Variants in LMF1 observed in about 807,000 individuals in gnomAD.
LMF1 encodes lipase maturation factor 1, also known as transmembrane protein 112.
In LMF1, 68 loss-of-function variants were observed where a neutral mutation model predicts 60.6. The observed-to-expected ratio is 1.12, with a 90% CI of 0.92 to 1.37. The LOEUF (loss-of-function observed/expected upper bound fraction) is 1.37, where lower values mean the gene tolerates loss of function less well. Ranked by LOEUF, LMF1 falls within the 40% of genes most tolerant of loss-of-function variation. The pLI is 0.00. For synonymous variants in LMF1, 418 were observed against 324.7 expected (o/e 1.29, Z -3.09); for missense variants, 948 against 767.2 (o/e 1.24, Z -2.78).
chr16:859,860 GC>G (rs201497959), intron 10 of LMF1, among the ~76,000 whole-genome samples: 6 of 87,496 alleles, frequency 6.9e-5, no homozygotes, highest in African/African-American at 1.6e-4. Context: ...GGATGGGTGT[GC>G]AGTGGTGTCT....
chr16:930,191 C>T (rs1403834930), intron 3 of LMF1, among the ~76,000 whole-genome samples: 2 of 141,150 alleles, frequency 1.4e-5, no homozygotes, highest in African/African-American at 5.1e-5. Flanking sequence ...CAGCAGCGGT[C>T]GTGTTCGTCT....
In LMF1 at chr16:947,958, A is replaced by G. The variant is rs2072285606; in HGVS notation, c.503+6399T>C. 9.9e-5 allele frequency among the ~76,000 whole-genome samples: 15 copies of G among 151,816 alleles called. No individual in the cohort carries two copies. The South Asian group carries it at 2.7e-3, about 28-fold the overall frequency. ...CAGAGTCAGCCAATGACAGAGTCAG[A>G]GCCAACGACAGAGTCAGCCAATGAC... On this transcript the variant is annotated intron_variant, in intron 2 of 10. Transcript: ENST00000262301.
intron 1 of LMF1, chr16:981,051 G>A: frequency 4.3e-6 from 1 of 232,122 alleles, no homozygotes. Context: ...CCCCGGGACC[G>A]CGCCCCCGCC....
chr16:874,456 G>A lies in LMF1; in HGVS notation c.898-3115C>T, dbSNP rs897910365. 3.3e-5 allele frequency among the ~76,000 whole-genome samples: 5 copies of A among 152,310 alleles called. 1 individual carries two copies. Among genetic ancestry groups the A allele is most frequent in the Admixed American group, 1.3e-4 (2 of 15,306 alleles). ...TCCCGCCCTGGCAGTCCGGGGCTGCGTCTCCCTGTCACCAGTGCCCTAGTG... is the reference window on the plus strand; with the variant it reads ...TCCCGCCCTGGCAGTCCGGGGCTGCATCTCCCTGTCACCAGTGCCCTAGTG... On this transcript the variant is annotated intron_variant, in intron 6 of 10. Coordinates refer to ENST00000262301, the MANE Select transcript of LMF1 (RefSeq NM_022773.4). This position sits in a 1 kb window ranked among gnomAD's most constrained non-coding sequence, Gnocchi z 4.1.
chr16:938,684 G>C (rs551086756), intron 2 of LMF1, among the ~76,000 whole-genome samples: 1 of 152,212 alleles, frequency 6.6e-6, no homozygotes, highest in African/African-American at 2.4e-5. Context: ...GCCAGGCAGC[G>C]CAGGGAGCAC....
upstream of LMF1, among the ~76,000 whole-genome samples, chr16:973,447 G>A (rs181428864): frequency 6.6e-6 from 1 of 152,334 alleles, no homozygotes; most frequent in East Asian, 1.9e-4. Flanking sequence ...CAGACGCGGA[G>A]GTCATGAGTT....
chr16:952,414 C>G (rs1360742738), intron 2 of LMF1, among the ~76,000 whole-genome samples: 1 of 152,100 alleles, frequency 6.6e-6, no homozygotes, highest in Non-Finnish European at 1.5e-5. Flanking sequence ...GAGCCTCCGA[C>G]CAGGGAACAC....
chr16:967,095 C>T (rs1328126339), intron 1 of LMF1, among the ~76,000 whole-genome samples: 1 of 152,242 alleles, frequency 6.6e-6, no homozygotes, highest in East Asian at 1.9e-4. Context: ...TCCAGCTCTA[C>T]CACTGGCGCT....
chr16:896,408 C>A (rs146201515), intron 4 of LMF1, among the ~76,000 whole-genome samples: 1 of 152,324 alleles, frequency 6.6e-6, no homozygotes, highest in South Asian at 2.1e-4. Context: ...ACAGGGAGGG[C>A]GCCGAACACC....
In LMF1 at chr16:970,916, T is replaced by A. The variant is rs775084151; in HGVS notation, c.65A>T (p.Tyr22Phe). 20 of 1,578,096 alleles carry A rather than the reference T, an allele frequency of 1.3e-5. No homozygotes were observed. In the South Asian group the frequency reaches 2.3e-4, roughly 18 times the overall value. Reference protein sequence around the residue: ...AESLRRRKTGYSDPEPESPPA... With the variant: ...AESLRRRKTGFSDPEPESPPA... ...CGGCGACTCAGGCTCCGGATCCGAG[T>A]ACCCAGTCTTCCGCCTCCTCAGCGA... The change falls in exon 1 of 11, where the codon TAC becomes TTC. Residue 22 changes from tyrosine (Y) to phenylalanine (F), a missense_variant. By Grantham distance (22) the Tyr-to-Phe change is conservative (BLOSUM62 3). Transcript: ENST00000262301.
rs978241603 is a variant in LMF1, at chr16:962,836, A to T, written c.193+7952T>A. 6.6e-6 allele frequency among the ~76,000 whole-genome samples: 1 copy of T among 152,192 alleles called. No individual in the cohort carries two copies. Among genetic ancestry groups the T allele is most frequent in the Non-Finnish European group, 1.5e-5 (1 of 68,024 alleles). On this transcript the variant is annotated intron_variant, in intron 1 of 10. Coordinates refer to ENST00000262301, the MANE Select transcript of LMF1 (RefSeq NM_022773.4). The surrounding 1 kb of genome is among the most constrained non-coding windows in gnomAD (Gnocchi z 4.5). ...GTTTTATTTTTAATAAAAAAATTTTAAAAAGTAAAGGTTTCTCGAAGACTC... is the reference window on the plus strand; with the variant it reads ...GTTTTATTTTTAATAAAAAAATTTTTAAAAGTAAAGGTTTCTCGAAGACTC...
Position 885,620 on chromosome 16 carries a change from C to T in LMF1, c.730-5883G>A, listed in dbSNP as rs566517402. Among the ~76,000 whole-genome samples, 4 of 152,322 alleles carry T rather than the reference C, an allele frequency of 2.6e-5. No homozygotes were observed. In the South Asian group the frequency reaches 8.3e-4, roughly 32 times the overall value. ...ACACCAGACAAAGCACAATTCAGAG[C>T]AGAGAATATGATCAGCAGTCAGGAG... On this transcript the variant is annotated intron_variant, in intron 5 of 10. Transcript: ENST00000262301.
intron 2 of LMF1, among the ~76,000 whole-genome samples, chr16:952,857 A>C (rs1597064587): frequency 7.5e-6 from 1 of 133,294 alleles, no homozygotes; most frequent in Admixed American, 7.5e-5. Flanking sequence ...ACAGACACCC[A>C]CCCCAAACCA....
At chr16:958,652 C>G (rs1004720331) in intron 1 of LMF1, among the ~76,000 whole-genome samples, 2 of 152,084 alleles carry the variant, frequency 1.3e-5, no homozygotes, top group African/African-American at 4.8e-5. Flanking sequence ...TTTGGGAGGC[C>G]GAGGTGGGCA....
intron 2 of LMF1, among the ~76,000 whole-genome samples, chr16:942,568 A>C (rs1397821696): frequency 6.8e-6 from 1 of 147,378 alleles, no homozygotes; most frequent in African/African-American, 2.6e-5. Flanking sequence ...TGGGGCTCCA[A>C]TCACACATAT....
intron 3 of LMF1, among the ~76,000 whole-genome samples, chr16:932,503 G>C (rs12446849): frequency 6.6e-6 from 1 of 152,180 alleles, no homozygotes; most frequent in Non-Finnish European, 1.5e-5. Context: ...GACTTCTCCC[G>C]CTAGACACAG....
chr16:980,234 T>C (rs1050963315), intron 1 of LMF1: 18 of 168,536 alleles, frequency 1.1e-4, no homozygotes, highest in African/African-American at 4.1e-4. Context: ...GCTCCGGGCC[T>C]GGCTCCGGTT....
intron 5 of LMF1, among the ~76,000 whole-genome samples, chr16:890,521 G>A (rs1288289249): frequency 6.6e-6 from 1 of 152,138 alleles, no homozygotes; most frequent in Non-Finnish European, 1.5e-5. Context: ...GGCTCTCTGT[G>A]AGCCAAGGCT....
chr16:930,567 C>G (rs2071750787), intron 3 of LMF1, among the ~76,000 whole-genome samples: 2 of 152,140 alleles, frequency 1.3e-5, no homozygotes, highest in South Asian at 4.1e-4. Context: ...AGAAAAGAAA[C>G]GTAAACATTC....
Sources: allele counts gnomAD v4.1 joint callset (sites outside exome capture counted in the v4.1 genomes callset), GRCh38; gene constraint gnomAD v4.1.1; non-coding constraint Gnocchi (gnomAD v3.1); transcripts MANE v1.5; gene names NCBI Gene and HGNC (gene_info 2026-07-23, HGNC 2026-07-21).